Variants in RNLS observed in about 807,000 individuals in gnomAD.
The protein encoded by RNLS is renalase.
In RNLS, 39 loss-of-function variants were observed where a neutral mutation model predicts 39.8. That is an observed-to-expected ratio of 0.98 (90% CI 0.76 to 1.28). The LOEUF is 1.28. RNLS is among the 50% of genes most tolerant of loss of function. The pLI, the probability that RNLS is intolerant of heterozygous loss-of-function variation, is 0.00. For missense variants in RNLS, 410 were observed against 413.3 expected, an observed-to-expected ratio of 0.99 and a Z score of 0.07; for synonymous variants, 147 against 150.7, an observed-to-expected ratio of 0.98 and a Z score of 0.18.
chr10:88,219,705 C>A, the RNLS span, among the ~76,000 whole-genome samples: 1 of 152,102 alleles, frequency 6.6e-6, no homozygotes, highest in African/African-American at 2.4e-5. Flanking sequence ...GGGGGAGTAC[C>A]AAAAGGGAGG....
At chr10:88,580,629 C>T (rs1036221683) in intron 3 of RNLS, among the ~76,000 whole-genome samples, 10 of 151,874 alleles carry the variant, frequency 6.6e-5, no homozygotes, top group South Asian at 2.1e-4. Context: ...TTTCAAAACG[C>T]TCATAAAATA....
At chr10:88,355,416 T>C (rs900094915) in intron 5 of RNLS, among the ~76,000 whole-genome samples, 1 of 152,220 alleles carries the variant, frequency 6.6e-6, no homozygotes, top group African/African-American at 2.4e-5. Flanking sequence ...TTCTGTTTGT[T>C]AGTTTTCCTT....
chr10:88,536,499 C>T (rs1430078813), intron 4 of RNLS, among the ~76,000 whole-genome samples: 1 of 152,086 alleles, frequency 6.6e-6, no homozygotes, highest in East Asian at 1.9e-4. Flanking sequence ...TTATTTAAAT[C>T]CTTTAATGGC....
chr10:88,513,017 A>G (rs1048205068), intron 4 of RNLS, among the ~76,000 whole-genome samples: 2 of 152,170 alleles, frequency 1.3e-5, no homozygotes, highest in Non-Finnish European at 2.9e-5. Context: ...ATCTGGCCCA[A>G]TAAGTATTAT....
intron 4 of RNLS, among the ~76,000 whole-genome samples, chr10:88,549,871 T>C (rs916457697): frequency 2.6e-5 from 4 of 152,236 alleles, no homozygotes; most frequent in African/African-American, 9.6e-5. Context: ...TCTCCATGTA[T>C]AAAATATTAT....
chr10:88,175,124 T>G, the RNLS span, among the ~76,000 whole-genome samples: 3 of 152,166 alleles, frequency 2.0e-5, no homozygotes, highest in African/African-American at 7.2e-5. Context: ...CATTTCTGAT[T>G]TTATTTATTT....
intron 4 of RNLS, among the ~76,000 whole-genome samples, chr10:88,372,430 T>G (rs182566441): frequency 2.2e-4 from 34 of 152,238 alleles, no homozygotes; most frequent in African/African-American, 7.7e-4. Context: ...CGGTAGCTGG[T>G]TTTTCATAAA....
chr10:88,301,610 G>C (rs922350840), intron 6 of RNLS, among the ~76,000 whole-genome samples: 1 of 152,196 alleles, frequency 6.6e-6, no homozygotes, highest in Non-Finnish European at 1.5e-5. Context: ...GTTTAGGAAT[G>C]ATTGGTAAGA....
At chr10:88,493,418 T>C (rs1272208813) in intron 4 of RNLS, among the ~76,000 whole-genome samples, 2 of 152,122 alleles carry the variant, frequency 1.3e-5, no homozygotes, top group East Asian at 3.9e-4. Context: ...GAGGGAAGCA[T>C]GTAAGTTGTG....
At chr10:88,422,910 C>T (rs1490129348) in intron 4 of RNLS, among the ~76,000 whole-genome samples, 5 of 152,062 alleles carry the variant, frequency 3.3e-5, no homozygotes, top group African/African-American at 1.2e-4. Flanking sequence ...ACTACCACCA[C>T]GTCCATCTGG....
chr10:88,340,345 T>C (rs1038462207), intron 5 of RNLS, among the ~76,000 whole-genome samples: 1 of 152,190 alleles, frequency 6.6e-6, no homozygotes, highest in Non-Finnish European at 1.5e-5. Flanking sequence ...GTGCAGGAAA[T>C]AGATTTGGTT....
intron 4 of RNLS, among the ~76,000 whole-genome samples, chr10:88,440,996 C>CA (rs1245611301): frequency 6.6e-6 from 1 of 151,918 alleles, no homozygotes; most frequent in African/African-American, 2.4e-5. Flanking sequence ...TAAATTAGCA[C>CA]AAAAAAATCC....
the RNLS span, among the ~76,000 whole-genome samples, chr10:88,236,951 G>A: frequency 6.6e-6 from 1 of 152,176 alleles, no homozygotes; most frequent in Admixed American, 6.5e-5. Flanking sequence ...TAAAATTCAG[G>A]TAGACTACTG....
At position 88,356,339 on chromosome 10, in the gene RNLS, C is replaced by T. The variant is rs142680521; in HGVS notation, c.700+6213G>A. Among the ~76,000 whole-genome samples the T allele has an allele frequency of 3.3e-3, 510 of 152,284 alleles. 3 individuals are homozygous for T. The highest frequency in any genetic ancestry group is 3.5e-3 in the Non-Finnish European group (235 of 68,028). On this transcript the variant is annotated intron_variant, in intron 5 of 6. Transcript: ENST00000331772. The stretch of plus-strand genomic sequence containing the variant: ...CGGGAGCTGTAGACTGGAGCTGTTC[C>T]TATTCAGCCGTCTTGGAACTGCCCC...
At chr10:88,370,646 A>C (rs935139955) in intron 4 of RNLS, among the ~76,000 whole-genome samples, 1 of 152,186 alleles carries the variant, frequency 6.6e-6, no homozygotes, top group African/African-American at 2.4e-5. Context: ...TCCTTAGATT[A>C]GATCATCTAG....
At chr10:88,208,828 A>G in the RNLS span, among the ~76,000 whole-genome samples, 3,006 of 152,250 alleles carry the variant, frequency 0.02, 72 homozygotes, top group African/African-American at 0.064. Context: ...ATTTAGAGGA[A>G]TGCTTCACTT....
intron 5 of RNLS, among the ~76,000 whole-genome samples, chr10:88,351,034 T>C (rs550408345): frequency 6.6e-6 from 1 of 152,336 alleles, no homozygotes; most frequent in Admixed American, 6.5e-5. Flanking sequence ...TGTCTTCTTT[T>C]GAGAAGTGTC....
the RNLS span, among the ~76,000 whole-genome samples, chr10:88,246,430 T>G: frequency 6.6e-6 from 1 of 152,136 alleles, no homozygotes; most frequent in African/African-American, 2.4e-5. Flanking sequence ...GCACCATAAA[T>G]AAGCACATAG....
At chr10:88,213,652 A>G in the RNLS span, among the ~76,000 whole-genome samples, 1 of 152,030 alleles carries the variant, frequency 6.6e-6, no homozygotes, top group Non-Finnish European at 1.5e-5. Context: ...GAAACTCCCC[A>G]GTTGAAGAGA....
Sources: gnomAD v4.1 joint callset for allele counts (sites outside exome capture counted in the v4.1 genomes callset) on GRCh38, gnomAD v4.1.1 for gene constraint, MANE v1.5 for transcripts, NCBI Gene and HGNC (gene_info 2026-07-23, HGNC 2026-07-21) for gene names.